Variants in STX17 observed in about 807,000 individuals in gnomAD.
STX17 encodes the protein syntaxin-17.
A neutral mutation model predicts 35.9 loss-of-function variants in STX17; 29 were observed. That is an observed-to-expected ratio of 0.81 (90% confidence interval 0.60 to 1.10). The LOEUF is 1.10. STX17 is among the 50% of genes least tolerant of loss of function. STX17 has a pLI of 0.00. For missense variants in STX17, 312 were observed against 352.3 expected (o/e 0.89, Z 0.92); for synonymous variants, 92 against 118.3 (o/e 0.78, Z 1.44).
chr9:99,913,741 G>C (rs1828703194), intron 1 of STX17, among the ~76,000 whole-genome samples: 1 of 151,924 alleles, frequency 6.6e-6, no homozygotes, highest in Non-Finnish European at 1.5e-5. Context: ...TACCCTCTTT[G>C]TTTTTGTACC....
At chr9:99,960,184 A>G in intron 6 of STX17, 29 bp downstream of exon 6, 3 of 1,600,052 alleles carry the variant, frequency 1.9e-6, no homozygotes, top group Non-Finnish European at 8.5e-7. Flanking sequence ...TGGATGCAGA[A>G]TTGTTGGATT....
chr9:99,962,136 A>G (rs1358265645), intron 6 of STX17, among the ~76,000 whole-genome samples: 1 of 152,176 alleles, frequency 6.6e-6, no homozygotes, highest in African/African-American at 2.4e-5. Flanking sequence ...TAGGCTTCTC[A>G]ATACTGGCTT....
chr9:99,926,383 A>C (rs764636489), intron 2 of STX17, among the ~76,000 whole-genome samples: 47 of 152,038 alleles, frequency 3.1e-4, no homozygotes, highest in Non-Finnish European at 5.6e-4. Flanking sequence ...TATCTTTTGG[A>C]TACCAGACAT....
chr9:99,922,137 G>C (rs112499993), intron 2 of STX17, among the ~76,000 whole-genome samples: 1 of 152,204 alleles, frequency 6.6e-6, no homozygotes, highest in African/African-American at 2.4e-5. Context: ...ACAGTACTGG[G>C]CCACAGACCT....
intron 3 of STX17, among the ~76,000 whole-genome samples, chr9:99,949,967 T>A (rs900071649): frequency 1.5e-4 from 19 of 122,836 alleles, no homozygotes; most frequent in African/African-American, 5.6e-4. Flanking sequence ...ACACACACAC[T>A]CCTATGTGCT....
chr9:99,943,703 G>T (rs1474940573), intron 3 of STX17, among the ~76,000 whole-genome samples: 2 of 152,196 alleles, frequency 1.3e-5, no homozygotes, highest in East Asian at 3.8e-4. Flanking sequence ...TATGAAGCTA[G>T]ATTTAAATTG....
chr9:99,946,081 TCAAAAA>T (rs748830143), intron 3 of STX17, among the ~76,000 whole-genome samples: 343 of 152,246 alleles, frequency 2.3e-3, no homozygotes, highest in Admixed American at 4.1e-3. Flanking sequence ...AGACTCCATC[TCAAAAA>T]CAAAAACAAA....
At chr9:99,954,018 A>C (rs538332405) in intron 4 of STX17, 28 of 152,136 alleles carry the variant, frequency 1.8e-4, no homozygotes, top group African/African-American at 6.7e-4. Context: ...TATAAAAAAA[A>C]ACTTCGGCAG....
intron 3 of STX17, among the ~76,000 whole-genome samples, chr9:99,931,128 G>A (rs1373602272): frequency 3.9e-5 from 6 of 151,992 alleles, no homozygotes; most frequent in Non-Finnish European, 7.4e-5. Context: ...CTACAGATGC[G>A]TGCCACCATG....
chr9:99,915,811 G>C (rs1828756881), intron 2 of STX17, among the ~76,000 whole-genome samples: 1 of 152,120 alleles, frequency 6.6e-6, no homozygotes, highest in Non-Finnish European at 1.5e-5. Context: ...CTCCTGTTTT[G>C]CCTTCCAAAG....
intron 4 of STX17, among the ~76,000 whole-genome samples, chr9:99,955,865 C>T (rs1033315413): frequency 1.6e-4 from 25 of 152,038 alleles, no homozygotes; most frequent in African/African-American, 5.6e-4. Context: ...TTTTTTACTT[C>T]TGTAGGCAGA....
At chr9:99,958,700 G>C (rs1282884768) in intron 4 of STX17, among the ~76,000 whole-genome samples, 1 of 152,182 alleles carries the variant, frequency 6.6e-6, no homozygotes, top group Non-Finnish European at 1.5e-5. Context: ...TGTGTCTGCA[G>C]CACCTCAGCA....
chr9:99,926,982 T>C lies in STX17; in HGVS notation c.124-1796T>C, dbSNP rs552263264. 8.5e-5 allele frequency among the ~76,000 whole-genome samples: 13 copies of C among 152,344 alleles called. No homozygotes were observed. The South Asian group carries it at 2.5e-3, about 29-fold the overall frequency. On this transcript the variant is annotated intron_variant, in intron 2 of 7. Transcript: ENST00000259400. ...AGCCTTGGGTGATCTTCAGGAATTA[T>C]TCTACCTGTTCTTTTTCTGACCACG...
At chr9:99,965,800 G>A (rs567396211) in intron 6 of STX17, among the ~76,000 whole-genome samples, 9 of 152,246 alleles carry the variant, frequency 5.9e-5, no homozygotes, top group Non-Finnish European at 2.9e-5. Flanking sequence ...AGAGAGATGA[G>A]AGTTAACACT....
chr9:99,936,516 C>T (rs1829238175), intron 3 of STX17, among the ~76,000 whole-genome samples: 1 of 152,094 alleles, frequency 6.6e-6, no homozygotes, highest in African/African-American at 2.4e-5. Flanking sequence ...GATTTTATAA[C>T]TAAATGTTAT....
chr9:99,921,303 T>G (rs534483430), intron 2 of STX17, among the ~76,000 whole-genome samples: 8 of 152,224 alleles, frequency 5.3e-5, no homozygotes, highest in Non-Finnish European at 1.2e-4. Flanking sequence ...TTGTAATCAA[T>G]TAAATGAATT....
intron 1 of STX17, among the ~76,000 whole-genome samples, chr9:99,911,977 G>A (rs533035100): frequency 7.2e-5 from 11 of 152,064 alleles, no homozygotes; most frequent in South Asian, 4.2e-4. Flanking sequence ...CTGTAATCCC[G>A]GCACTTTGGG....
At chr9:99,931,514 T>C (rs1183966366) in intron 3 of STX17, among the ~76,000 whole-genome samples, 1 of 151,860 alleles carries the variant, frequency 6.6e-6, no homozygotes, top group African/African-American at 2.4e-5. Flanking sequence ...TTTCTTTAAT[T>C]CTAAAGGTCC....
chr9:99,955,120 T>G (rs1829682538), intron 4 of STX17, among the ~76,000 whole-genome samples: 1 of 152,138 alleles, frequency 6.6e-6, no homozygotes, highest in African/African-American at 2.4e-5. Context: ...GAATCAGTGC[T>G]TCTCTCCATT....
Sources: allele counts gnomAD v4.1 joint callset (sites outside exome capture counted in the v4.1 genomes callset), GRCh38; gene constraint gnomAD v4.1.1; transcripts MANE v1.5; gene names NCBI Gene and HGNC (gene_info 2026-07-23, HGNC 2026-07-21).